The following CEP120 variants were observed in gnomAD, a reference collection of about 807,000 sequenced individuals.
CEP120 encodes the protein centrosomal protein 120.
In CEP120, 113 loss-of-function variants were observed where a neutral mutation model predicts 126.5. That is an observed-to-expected ratio of 0.89 (90% confidence interval 0.77 to 1.04). The LOEUF (loss-of-function observed/expected upper bound fraction) is 1.04. Among genes scored for constraint, CEP120 ranks in the 50% least tolerant of loss-of-function variants. CEP120 has a pLI of 0.00. For synonymous variants in CEP120, 400 were observed against 394.3 expected (o/e 1.01, Z -0.17); for missense variants, 1,230 against 1,155.7 (o/e 1.06, Z -0.93).
chr5:123,401,879 G>C, intron 4 of CEP120: 1 of 1,553,370 alleles, frequency 6.4e-7, no homozygotes, highest in Non-Finnish European at 8.8e-7. Flanking sequence ...GTTTCTCCTA[G>C]CCCAGAGTCT....
At chr5:123,379,116 T>C (rs1016094669) in intron 14 of CEP120, among the ~76,000 whole-genome samples, 8 of 151,286 alleles carry the variant, frequency 5.3e-5, no homozygotes, top group African/African-American at 1.9e-4. Flanking sequence ...TGAGGAAGGA[T>C]TGTTTGTTAA....
chr5:123,400,730 T>G (rs896412036), intron 4 of CEP120, among the ~76,000 whole-genome samples: 1 of 137,766 alleles, frequency 7.3e-6, no homozygotes, highest in African/African-American at 2.8e-5. Flanking sequence ...AGCAACTGAA[T>G]TGTTTTGTAG....
intron 1 of CEP120, among the ~76,000 whole-genome samples, chr5:123,421,158 G>A (rs185021136): frequency 7.4e-4 from 113 of 152,272 alleles, no homozygotes; most frequent in African/African-American, 2.5e-3. Flanking sequence ...ATTCTAAACT[G>A]GCTTTCAAGA....
chr5:123,398,339 T>A (rs911153692), intron 5 of CEP120, among the ~76,000 whole-genome samples: 1 of 152,134 alleles, frequency 6.6e-6, no homozygotes, highest in Non-Finnish European at 1.5e-5. Context: ...GCCCTGAGCA[T>A]CCCTGGACAT....
Position 123,377,485 on chromosome 5 carries a change from T to C in CEP120, c.2247A>G (p.Gln749=), listed in dbSNP as rs1341409831. Residue 749 remains glutamine (Q), a synonymous_variant, in exon 16 of 20, where the codon CAA becomes CAG. Transcript: ENST00000306467. ...ELQSERQRNL[Q]ELQDSIRRAK... is the part of the protein sequence containing the mutation. The stretch of plus-strand genomic sequence containing the variant: ...CCCTACGGATAGAGTCCTGCAGTTC[T>C]TGCAGGTTCCGCTGACGTTCTGATT... 2 of 1,602,356 alleles carry C rather than the reference T, an allele frequency of 1.2e-6. No individual in the cohort carries two copies. Among genetic ancestry groups the C allele is most frequent in the Non-Finnish European group, 1.7e-6 (2 of 1,177,402 alleles).
intron 19 of CEP120, among the ~76,000 whole-genome samples, chr5:123,347,377 G>A (rs1284005265): frequency 6.6e-6 from 1 of 152,014 alleles, no homozygotes; most frequent in Admixed American, 6.6e-5. Context: ...ACACGTTTTG[G>A]GGATAGTGCA....
At chr5:123,382,314 CT>C in intron 13 of CEP120, 114 bp from the exon 14 acceptor site, 1 of 199,854 alleles carries the variant, frequency 5.0e-6, no homozygotes, top group Non-Finnish European at 9.0e-6. Context: ...TTCAGGCATT[CT>C]TTTTTATTCT....
chr5:123,422,629 AACG>A, intron 1 of CEP120: 2 of 1,261,690 alleles, frequency 1.6e-6, no homozygotes, highest in Non-Finnish European at 2.2e-6. Flanking sequence ...CGCTGATCAG[AACG>A]CGCTTCTCAG....
At chr5:123,408,044 A>AT (rs1280675138) in intron 4 of CEP120, among the ~76,000 whole-genome samples, 1 of 152,186 alleles carries the variant, frequency 6.6e-6, no homozygotes, top group Non-Finnish European at 1.5e-5. Flanking sequence ...TGCAATTTTT[A>AT]TTTGTCTGAG....
chr5:123,355,480 A>C (rs1769528418), intron 18 of CEP120, among the ~76,000 whole-genome samples: 1 of 152,110 alleles, frequency 6.6e-6, no homozygotes, highest in African/African-American at 2.4e-5. Flanking sequence ...TCGCCATTCT[A>C]ACTGGTGTGA....
At chr5:123,409,216 G>A (rs369039290) in intron 4 of CEP120, among the ~76,000 whole-genome samples, 1 of 152,026 alleles carries the variant, frequency 6.6e-6, no homozygotes, top group Non-Finnish European at 1.5e-5. Flanking sequence ...AAAAGTATTT[G>A]ACAAAATCCA....
At chr5:123,377,340 T>G in intron 16 of CEP120, 34 bp downstream of exon 16, 1 of 1,588,940 alleles carries the variant, frequency 6.3e-7, no homozygotes, top group Non-Finnish European at 8.5e-7. Flanking sequence ...GCAAATAAAC[T>G]AAGCATAAAA....
intron 17 of CEP120, among the ~76,000 whole-genome samples, chr5:123,365,814 T>C (rs948235702): frequency 6.6e-6 from 1 of 151,382 alleles, no homozygotes; most frequent in Non-Finnish European, 1.5e-5. Flanking sequence ...GAGGATAGTA[T>C]TCAATTATAC....
chr5:123,389,191 G>A (rs1475333896), intron 8 of CEP120, among the ~76,000 whole-genome samples: 2 of 152,062 alleles, frequency 1.3e-5, no homozygotes, highest in African/African-American at 4.8e-5. Context: ...TGCAATGGAT[G>A]GAAAAATTTT....
rs754462811 is a variant in CEP120 at position 123,386,633 on chromosome 5, T to G, written c.1465A>C (p.Ile489Leu). ...SYPFFGSAAP[I>L]MTNPPVEVRK... Reference sequence around the variant, plus strand: ...ACTTCTACAGGAGGATTAGTCATAATAGGAGCTGCACTTCCAAAGAATGGA... The same window carrying G: ...ACTTCTACAGGAGGATTAGTCATAAGAGGAGCTGCACTTCCAAAGAATGGA... The change falls in exon 10 of 20, where the codon ATT becomes CTT. Residue 489 changes from isoleucine to leucine, a missense_variant. Ile to Leu is a conservative substitution (Grantham distance 5). Coordinates refer to ENST00000306467, the MANE Select transcript of CEP120 (RefSeq NM_001375405.1). The G allele has an allele frequency of 2.0e-6, 3 of 1,523,654 alleles. No individual in the cohort carries two copies. Among genetic ancestry groups the G allele is most frequent in the Non-Finnish European group, 2.6e-6 (3 of 1,136,322 alleles). 94.4% of individuals were successfully genotyped at this position (1,523,654 alleles called of 1,614,324 possible).
chr5:123,354,906 G>A (rs1769467968), intron 18 of CEP120, among the ~76,000 whole-genome samples: 1 of 151,722 alleles, frequency 6.6e-6, no homozygotes, highest in Admixed American at 6.6e-5. Flanking sequence ...TTTAGCATTA[G>A]GTATATCTCC....
At chr5:123,348,689 C>T (rs1001953774) in intron 19 of CEP120, among the ~76,000 whole-genome samples, 2 of 152,092 alleles carry the variant, frequency 1.3e-5, no homozygotes, top group Admixed American at 6.5e-5. Context: ...AATGTGTAGG[C>T]TCTGAACTGT....
At chr5:123,374,018 C>T (rs999948888) in intron 16 of CEP120, among the ~76,000 whole-genome samples, 4 of 151,990 alleles carry the variant, frequency 2.6e-5, no homozygotes, top group Non-Finnish European at 5.9e-5. Context: ...ATAATCCTGA[C>T]CCCCTGCCAA....
chr5:123,373,040 A>G (rs1459556375), intron 16 of CEP120, among the ~76,000 whole-genome samples: 1 of 152,118 alleles, frequency 6.6e-6, no homozygotes. Flanking sequence ...TCAAATGTCA[A>G]ATGTAAAAGT....
Sources: allele counts gnomAD v4.1 joint callset (sites outside exome capture counted in the v4.1 genomes callset), GRCh38; gene constraint gnomAD v4.1.1; transcripts MANE v1.5; gene names NCBI Gene and HGNC (gene_info 2026-07-23, HGNC 2026-07-21).